Variants in EYS observed in about 807,000 individuals in gnomAD.
EYS encodes protein eyes shut homolog.
EYS carries 250 observed loss-of-function variants against 282.1 expected under a neutral mutation model. That is an observed-to-expected ratio of 0.89 (90% confidence interval 0.80 to 0.98). The LOEUF is 0.98. EYS is among the 50% of genes least tolerant of loss of function. The probability of loss-of-function intolerance (pLI) is 0.00; values close to 1 mark genes in which losing one functional copy is unlikely to be tolerated. For synonymous variants in EYS, 1,355 were observed against 1,282.9 expected (o/e 1.06, Z -1.20); for missense variants, 4,016 against 3,709.0 (o/e 1.08, Z -2.15).
intron 35 of EYS, among the ~76,000 whole-genome samples, chr6:63,901,309 T>C (rs1420393544): frequency 6.6e-6 from 1 of 152,152 alleles, no homozygotes; most frequent in African/African-American, 2.4e-5. Flanking sequence ...AATGTGAAGA[T>C]AGACAGAGAT....
intron 35 of EYS, among the ~76,000 whole-genome samples, chr6:63,960,929 A>G (rs968689553): frequency 6.6e-6 from 1 of 152,204 alleles, no homozygotes; most frequent in African/African-American, 2.4e-5. Flanking sequence ...AACCAAATCC[A>G]CAATGTTTCC....
chr6:63,839,342 C>G (rs1488851646), intron 36 of EYS, among the ~76,000 whole-genome samples: 1 of 152,146 alleles, frequency 6.6e-6, no homozygotes, highest in African/African-American at 2.4e-5. Flanking sequence ...GCTTATTTCA[C>G]TTAACATAAT....
At chr6:64,066,571 C>T (rs1158534206) in intron 32 of EYS, 80 bp from the exon 33 acceptor site, 1 of 970,930 alleles carries the variant, frequency 1.0e-6, no homozygotes, top group African/African-American at 1.6e-5. Flanking sequence ...ACAATCTTTG[C>T]CATCAAAGAC....
chr6:64,024,937 G>A (rs558028578), intron 33 of EYS, among the ~76,000 whole-genome samples: 28 of 152,236 alleles, frequency 1.8e-4, no homozygotes, highest in East Asian at 1.4e-3. Flanking sequence ...CACCAATTCT[G>A]GACACATTTT....
intron 12 of EYS, among the ~76,000 whole-genome samples, chr6:65,255,577 C>T (rs1483509079): frequency 6.6e-6 from 1 of 151,818 alleles, no homozygotes; most frequent in Non-Finnish European, 1.5e-5. Context: ...AGAAACAATA[C>T]ACAGAATGGA....
At chr6:64,108,441 G>T (rs541670870) in intron 31 of EYS, among the ~76,000 whole-genome samples, 40 of 147,624 alleles carry the variant, frequency 2.7e-4, no homozygotes, top group Middle Eastern at 3.6e-3. Context: ...CTTTTTGCTT[G>T]TTATGACAGA....
chr6:65,343,952 TA>T (rs1770294563), intron 10 of EYS, 85 bp downstream of exon 10: 1 of 1,159,996 alleles, frequency 8.6e-7, no homozygotes. Flanking sequence ...TAAGAATCTG[TA>T]ACCTAAACAT....
intron 14 of EYS, among the ~76,000 whole-genome samples, chr6:64,953,777 C>T (rs1385822521): frequency 6.6e-6 from 1 of 151,712 alleles, no homozygotes; most frequent in African/African-American, 2.4e-5. Context: ...AAAGAAAATA[C>T]ACTTTACAAT....
At chr6:64,664,086 G>C (rs1351658099) in intron 22 of EYS, among the ~76,000 whole-genome samples, 1 of 152,218 alleles carries the variant, frequency 6.6e-6, no homozygotes, top group Non-Finnish European at 1.5e-5. Flanking sequence ...GGGATCAGTA[G>C]TGGTGGACGG....
At chr6:64,758,638 G>C (rs189267267) in intron 22 of EYS, among the ~76,000 whole-genome samples, 1 of 152,106 alleles carries the variant, frequency 6.6e-6, no homozygotes, top group Non-Finnish European at 1.5e-5. Flanking sequence ...TCCCTCCACT[G>C]CAGTTTGGAG....
intron 15 of EYS, among the ~76,000 whole-genome samples, chr6:64,944,859 C>G (rs555826999): frequency 2.1e-3 from 315 of 150,796 alleles, no homozygotes; most frequent in South Asian, 3.8e-3. Context: ...ACTCCACTGA[C>G]ATGTTTGGGT....
intron 26 of EYS, among the ~76,000 whole-genome samples, chr6:64,585,594 G>A (rs1022574544): frequency 1.3e-5 from 2 of 152,052 alleles, no homozygotes; most frequent in Non-Finnish European, 2.9e-5. Flanking sequence ...TGCATCAACA[G>A]AATTCAGTAA....
In EYS at chr6:64,965,121, A is replaced by C. The variant is rs531881335; in HGVS notation, c.2260-19207T>G. Among the ~76,000 whole-genome samples the C allele has an allele frequency of 3.3e-5, 5 of 152,300 alleles. No individual in the cohort carries two copies. The East Asian group carries it at 7.7e-4, about 23-fold the overall frequency. ...AAATGCTATTAAATTATATCATCAT[A>C]ATATTAAAACTGCAAAATTGAAGCA... On this transcript the variant is annotated intron_variant, in intron 14 of 42. Transcript: ENST00000503581.
At chr6:63,909,105 A>G (rs1030090541) in intron 35 of EYS, among the ~76,000 whole-genome samples, 4 of 152,198 alleles carry the variant, frequency 2.6e-5, no homozygotes, top group African/African-American at 7.2e-5. Flanking sequence ...AAGGGGATGC[A>G]TATGCGAAGA....
In EYS at chr6:65,683,170, C is replaced by T. The variant is rs148509866; in HGVS notation, c.-448+23965G>A. Among the ~76,000 whole-genome samples the T allele has an allele frequency of 2.3e-4, 35 of 152,046 alleles. No individual in the cohort carries two copies. The East Asian group carries it at 6.4e-3, about 28-fold the overall frequency. On this transcript the variant is annotated intron_variant, in intron 1 of 42. Coordinates refer to ENST00000503581, the MANE Select transcript of EYS (RefSeq NM_001142800.2). ...ATATTTGATGTGTTTTTATCACTCA[C>T]GATAAAAATTGCCAAATTGTTTCTC...
chr6:65,056,596 T>TA (rs1773423365), intron 13 of EYS, among the ~76,000 whole-genome samples: 1 of 152,054 alleles, frequency 6.6e-6, no homozygotes, highest in East Asian at 1.9e-4. Flanking sequence ...TCTCAAAAAA[T>TA]AAAAAATGAA....
At chr6:65,049,775 TAAA>T (rs1425532339) in intron 13 of EYS, among the ~76,000 whole-genome samples, 1 of 151,698 alleles carries the variant, frequency 6.6e-6, no homozygotes, top group African/African-American at 2.4e-5. Flanking sequence ...ACAATGCAAA[TAAA>T]AATGATTAGT....
rs1242324755 is a variant in EYS at position 64,591,004 on chromosome 6, CACTG to C, written c.4859_4862del (p.Ser1620TrpfsTer58). ...ATAAAGATGGCACTTCTGTGAATGCCACTGATGGTGTTATTTCAGTAGCAGAAGA... is the reference window on the plus strand; with the variant it reads ...ATAAAGATGGCACTTCTGTGAATGCCATGGTGTTATTTCAGTAGCAGAAGA... On this transcript the variant is annotated frameshift_variant, in exon 26 of 43. Transcript: ENST00000503581. LOFTEE classifies it high-confidence loss of function. The C allele has an allele frequency of 6.4e-7, 1 of 1,551,238 alleles. No individual in the cohort carries two copies. The highest frequency in any genetic ancestry group is 8.7e-7 in the Non-Finnish European group (1 of 1,146,762).
At chr6:65,342,151 T>C (rs1562108386) in intron 10 of EYS, among the ~76,000 whole-genome samples, 2 of 151,156 alleles carry the variant, frequency 1.3e-5, no homozygotes, top group Admixed American at 6.6e-5. Context: ...AGTACATATG[T>C]ATTTATTTAT....
Sources: gnomAD v4.1 joint callset for allele counts (sites outside exome capture counted in the v4.1 genomes callset) on GRCh38, gnomAD v4.1.1 for gene constraint, MANE v1.5 for transcripts, NCBI Gene and HGNC (gene_info 2026-07-23, HGNC 2026-07-21) for gene names.